ZMIZ1: variants seen among roughly 807,000 people sequenced by gnomAD.
The protein encoded by ZMIZ1 is zinc finger MIZ-type containing 1.
In ZMIZ1, 17 loss-of-function variants were observed where a neutral mutation model predicts 113.9. The observed-to-expected ratio is 0.15, with a 90% CI of 0.10 to 0.22. The LOEUF (loss-of-function observed/expected upper bound fraction) is 0.22. ZMIZ1 is among the 10% of genes least tolerant of loss of function. The pLI is 1.00. For synonymous variants in ZMIZ1, 607 were observed against 603.1 expected (o/e 1.01, Z -0.09); for missense variants, 1,059 against 1,477.8 (o/e 0.72, Z 4.65).
chr10:79,129,945 G>A (rs1007884374), intron 2 of ZMIZ1, among the ~76,000 whole-genome samples: 5 of 152,230 alleles, frequency 3.3e-5, no homozygotes, highest in African/African-American at 1.2e-4. Flanking sequence ...TGGGGGAGGG[G>A]AGCAGTGCTC....
chr10:79,256,216 C>T (rs893580345), intron 7 of ZMIZ1, among the ~76,000 whole-genome samples: 1 of 152,174 alleles, frequency 6.6e-6, no homozygotes, highest in Non-Finnish European at 1.5e-5. Flanking sequence ...CGAACTTGGC[C>T]GGCAGAGGGG....
chr10:79,143,969 G>A (rs752122615), intron 3 of ZMIZ1, among the ~76,000 whole-genome samples: 33 of 152,166 alleles, frequency 2.2e-4, no homozygotes, highest in Non-Finnish European at 4.0e-4. Context: ...CCTCTCCCTC[G>A]GGAAAGTCAG....
rs566225903 is a variant in ZMIZ1 at position 79,307,639 on chromosome 10, C to A, written c.2835+68C>A. 1.1e-5 allele frequency: 16 copies of A among 1,520,788 alleles called. No individual in the cohort carries two copies. The East Asian group carries it at 3.0e-4, about 28-fold the overall frequency. The allele number at this position is 1,520,788 out of a possible 1,614,324, so 94.2% of individuals were successfully genotyped here. A position where few individuals can be genotyped will look rare whatever the true frequency, so the allele number is the denominator to read the frequency against. On this transcript the variant is annotated intron_variant, in intron 23 of 24. Coordinates refer to ENST00000334512, the MANE Select transcript of ZMIZ1 (RefSeq NM_020338.4). The stretch of plus-strand genomic sequence containing the variant: ...GGGTTGATGCCTTGGGATCTGGATA[C>A]CCTGTTCCCTCCCAGGCAAGGCAGA...
chr10:79,123,667 G>T (rs1464632000), intron 2 of ZMIZ1, among the ~76,000 whole-genome samples: 1 of 152,212 alleles, frequency 6.6e-6, no homozygotes, highest in Non-Finnish European at 1.5e-5. Context: ...GTTGCTCAGA[G>T]CTCTGTGGGC....
intron 3 of ZMIZ1, among the ~76,000 whole-genome samples, chr10:79,149,225 C>G (rs143801482): frequency 3.6e-3 from 549 of 152,356 alleles, no homozygotes; most frequent in African/African-American, 0.012. Flanking sequence ...CCCCTCCCAT[C>G]TGTGTTCATC....
intron 7 of ZMIZ1, among the ~76,000 whole-genome samples, chr10:79,225,471 T>C (rs1849163501): frequency 6.6e-6 from 1 of 152,076 alleles, no homozygotes; most frequent in Non-Finnish European, 1.5e-5. Flanking sequence ...GGCTCACCCC[T>C]GTAATCCTAG....
chr10:79,262,688 G>A (rs972623317), intron 7 of ZMIZ1, among the ~76,000 whole-genome samples: 3 of 152,226 alleles, frequency 2.0e-5, no homozygotes, highest in Admixed American at 6.5e-5. Flanking sequence ...TGTCTTGAAC[G>A]GCGTGTGCTT....
At chr10:79,255,059 C>T (rs1023728054) in intron 7 of ZMIZ1, among the ~76,000 whole-genome samples, 3 of 152,182 alleles carry the variant, frequency 2.0e-5, no homozygotes, top group African/African-American at 2.4e-5. Context: ...TGCCTGTGGC[C>T]GCCCTGGGAG....
intron 7 of ZMIZ1, among the ~76,000 whole-genome samples, chr10:79,271,281 CT>C (rs1851936456): frequency 6.6e-6 from 1 of 152,228 alleles, no homozygotes; most frequent in Admixed American, 6.5e-5. Context: ...GTTCTCTTCT[CT>C]ACTGAGCGAG....
At chr10:79,117,233 A>G (rs1441972033) in intron 1 of ZMIZ1, among the ~76,000 whole-genome samples, 1 of 152,250 alleles carries the variant, frequency 6.6e-6, no homozygotes, top group Admixed American at 6.5e-5. Flanking sequence ...CTATTGATCT[A>G]AACAACTCTC....
intron 3 of ZMIZ1, among the ~76,000 whole-genome samples, chr10:79,147,140 A>G (rs1374422879): frequency 6.6e-6 from 1 of 152,180 alleles, no homozygotes; most frequent in Non-Finnish European, 1.5e-5. Context: ...CGCCATGGGC[A>G]TCAGGGAGCC....
intron 8 of ZMIZ1, among the ~76,000 whole-genome samples, chr10:79,279,136 G>GCCGGACGGGGGCTGCCCCCGACCTC (rs1304394957): frequency 1.1e-3 from 172 of 150,586 alleles, no homozygotes; most frequent in African/African-American, 3.6e-3. Flanking sequence ...GGGGCGGCTG[G>GCCGGACGGGGGCTGCCCCCGACCTC]CCGGACGGGG....
intron 1 of ZMIZ1, among the ~76,000 whole-genome samples, chr10:79,085,155 A>G (rs563139943): frequency 3.3e-5 from 5 of 152,286 alleles, no homozygotes; most frequent in Admixed American, 2.6e-4. Flanking sequence ...GGTGGGCACC[A>G]TGTTCTTACT....
At chr10:79,204,788 G>A (rs575479114) in intron 5 of ZMIZ1, among the ~76,000 whole-genome samples, 2 of 152,172 alleles carry the variant, frequency 1.3e-5, no homozygotes, top group South Asian at 2.1e-4. Context: ...GTGGGTGGAC[G>A]TGTATAGATG....
intron 16 of ZMIZ1, among the ~76,000 whole-genome samples, chr10:79,299,871 A>G (rs1199056897): frequency 6.6e-6 from 1 of 152,192 alleles, no homozygotes; most frequent in Non-Finnish European, 1.5e-5. Context: ...GGATGCCAGA[A>G]CCAACCCTGG....
At chr10:79,302,313 C>T in intron 18 of ZMIZ1, 101 bp downstream of exon 18, 3 of 1,211,816 alleles carry the variant, frequency 2.5e-6, no homozygotes, top group Middle Eastern at 1.9e-4. Context: ...CCTTTGCCTC[C>T]GTGCATGTCA....
intron 24 of ZMIZ1, among the ~76,000 whole-genome samples, 179 bp from the exon 25 acceptor site, chr10:79,312,463 C>T (rs1033541393): frequency 5.9e-5 from 9 of 152,240 alleles, no homozygotes; most frequent in Non-Finnish European, 1.0e-4. Flanking sequence ...GTGCAGTGGC[C>T]GGGGTATGTG....
rs368616649 is a variant in ZMIZ1 at position 79,289,902 on chromosome 10, A to G, written c.540+13A>G. Reference sequence around the variant, plus strand: ...ATCCCAGAGCCAGGTAAGAGCCTATACTGCCCTCAGCCACAGCTCTTTCTA... The same window carrying G: ...ATCCCAGAGCCAGGTAAGAGCCTATGCTGCCCTCAGCCACAGCTCTTTCTA... On this transcript the variant is annotated intron_variant, in intron 9 of 24. Coordinates refer to ENST00000334512, the MANE Select transcript of ZMIZ1 (RefSeq NM_020338.4). 6.2e-7 allele frequency: 1 copy of G among 1,611,058 alleles called. No homozygotes were observed.
chr10:79,288,947 C>T (rs568177125), intron 8 of ZMIZ1, among the ~76,000 whole-genome samples: 28 of 152,144 alleles, frequency 1.8e-4, no homozygotes, highest in African/African-American at 6.3e-4. Flanking sequence ...AAATATGGTC[C>T]GGGTTGGTAG....
Sources: allele counts gnomAD v4.1 joint callset (sites outside exome capture counted in the v4.1 genomes callset), GRCh38; gene constraint gnomAD v4.1.1; transcripts MANE v1.5; gene names NCBI Gene and HGNC (gene_info 2026-07-23, HGNC 2026-07-21).